Variants in CDK14 observed in about 807,000 individuals in gnomAD.
The protein encoded by CDK14 is cyclin dependent kinase 14, also known as cyclin-dependent kinase 14.
In CDK14, 34 loss-of-function variants were observed where a neutral mutation model predicts 60.7. The ratio of observed to expected loss-of-function variants is 0.56; its 90% confidence interval spans 0.43 to 0.75. The LOEUF (loss-of-function observed/expected upper bound fraction) is 0.75, where lower values mean the gene tolerates loss of function less well. Among genes scored for constraint, CDK14 ranks in the 30% least tolerant of loss-of-function variants. The pLI is 0.00. For synonymous variants in CDK14, 197 were observed against 203.7 expected (o/e 0.97, Z 0.28); for missense variants, 482 against 564.1 (o/e 0.85, Z 1.47).
At chr7:91,003,315 T>C (rs906252194) in intron 10 of CDK14, among the ~76,000 whole-genome samples, 1 of 152,196 alleles carries the variant, frequency 6.6e-6, no homozygotes, top group Non-Finnish European at 1.5e-5. Flanking sequence ...GTCATCATTA[T>C]GTCTCACCTG....
chr7:90,667,436 C>A (rs190113359), intron 2 of CDK14, among the ~76,000 whole-genome samples: 2 of 152,266 alleles, frequency 1.3e-5, no homozygotes, highest in Non-Finnish European at 1.5e-5. Context: ...AGTCACTCCC[C>A]ATTTTTTTCT....
chr7:90,988,908 T>G (rs1446922828), intron 10 of CDK14, among the ~76,000 whole-genome samples: 1 of 152,196 alleles, frequency 6.6e-6, no homozygotes, highest in African/African-American at 2.4e-5. Flanking sequence ...CCACTGGTTG[T>G]TAAACTATTG....
intron 11 of CDK14, among the ~76,000 whole-genome samples, chr7:91,069,876 A>C (rs1224988179): frequency 6.6e-6 from 1 of 152,192 alleles, no homozygotes; most frequent in African/African-American, 2.4e-5. Flanking sequence ...GGCTTAGTGC[A>C]GCCTCTACCT....
intron 10 of CDK14, among the ~76,000 whole-genome samples, chr7:91,036,597 A>G (rs1400697201): frequency 6.6e-6 from 1 of 152,154 alleles, no homozygotes; most frequent in Non-Finnish European, 1.5e-5. Flanking sequence ...CCTACTCAAC[A>G]TGAAGATAAA....
chr7:90,946,318 A>G (rs1328155797), intron 8 of CDK14, among the ~76,000 whole-genome samples: 5 of 152,186 alleles, frequency 3.3e-5, no homozygotes, highest in Non-Finnish European at 7.3e-5. Context: ...AGCAATGCCC[A>G]ACTCCAATTT....
chr7:90,741,024 G>T (rs1424179806), intron 3 of CDK14, among the ~76,000 whole-genome samples: 2 of 152,134 alleles, frequency 1.3e-5, no homozygotes, highest in Admixed American at 6.6e-5. Context: ...TCTATTTTTG[G>T]TCTATATTTC....
chr7:90,851,349 G>A (rs1211563905), intron 5 of CDK14, among the ~76,000 whole-genome samples: 2 of 152,138 alleles, frequency 1.3e-5, no homozygotes, highest in Non-Finnish European at 1.5e-5. Flanking sequence ...ATATATATGT[G>A]TGTGTATGAA....
At chr7:90,830,387 T>C (rs1562790047) in intron 5 of CDK14, among the ~76,000 whole-genome samples, 1 of 152,176 alleles carries the variant, frequency 6.6e-6, no homozygotes, top group Non-Finnish European at 1.5e-5. Flanking sequence ...GGAGCTGGAA[T>C]GGCCAGGATG....
intron 14 of CDK14, among the ~76,000 whole-genome samples, chr7:91,186,358 T>C (rs1409661547): frequency 2.7e-5 from 4 of 146,542 alleles, no homozygotes; most frequent in African/African-American, 1.0e-4. Context: ...TACCACATTT[T>C]ATTTATCTAT....
intron 8 of CDK14, among the ~76,000 whole-genome samples, chr7:90,937,639 G>A (rs898821861): frequency 3.9e-5 from 6 of 152,172 alleles, no homozygotes; most frequent in Non-Finnish European, 7.3e-5. Context: ...AACTTTTTCT[G>A]TAAAGAGCTA....
At chr7:90,968,434 C>T (rs1227775941) in intron 9 of CDK14, among the ~76,000 whole-genome samples, 3 of 152,102 alleles carry the variant, frequency 2.0e-5, no homozygotes, top group Non-Finnish European at 4.4e-5. Context: ...TGACAGAATC[C>T]GAGTAGCTTC....
chr7:91,119,216 C>T (rs1339744779), intron 14 of CDK14, among the ~76,000 whole-genome samples: 2 of 152,182 alleles, frequency 1.3e-5, no homozygotes, highest in East Asian at 1.9e-4. Flanking sequence ...CATGGTGGCA[C>T]ATACCTGTAA....
chr7:91,175,845 C>CA (rs1174682049), intron 14 of CDK14, among the ~76,000 whole-genome samples: 18 of 144,562 alleles, frequency 1.2e-4, no homozygotes, highest in Admixed American at 2.1e-4. Context: ...CTTAGACTCC[C>CA]ACACATTAAT....
At chr7:90,771,495 G>A (rs1804781725) in intron 4 of CDK14, among the ~76,000 whole-genome samples, 1 of 152,178 alleles carries the variant, frequency 6.6e-6, no homozygotes, top group Non-Finnish European at 1.5e-5. Flanking sequence ...GAATTTTATT[G>A]AGCAACAGAA....
intron 9 of CDK14, among the ~76,000 whole-genome samples, chr7:90,957,789 A>C (rs1228769918): frequency 1.3e-5 from 2 of 151,978 alleles, no homozygotes; most frequent in Non-Finnish European, 2.9e-5. Context: ...AAGGTAATTT[A>C]CAGATTCAAT....
chr7:91,100,011 T>C (rs1173841521), intron 12 of CDK14, among the ~76,000 whole-genome samples: 1 of 152,134 alleles, frequency 6.6e-6, no homozygotes, highest in Non-Finnish European at 1.5e-5. Context: ...TAATTATTGG[T>C]GCCTCTTTTG....
chr7:90,985,476 A>T (rs1013254323), intron 10 of CDK14, among the ~76,000 whole-genome samples: 1 of 152,202 alleles, frequency 6.6e-6, no homozygotes, highest in Non-Finnish European at 1.5e-5. Flanking sequence ...TTTATGCCAG[A>T]TATTCAGTAG....
intron 6 of CDK14, among the ~76,000 whole-genome samples, chr7:90,876,320 A>T (rs950897028): frequency 2.0e-5 from 3 of 152,190 alleles, no homozygotes; most frequent in Non-Finnish European, 4.4e-5. Flanking sequence ...CCATTTTAGG[A>T]TGGTGTCGCT....
intron 5 of CDK14, among the ~76,000 whole-genome samples, chr7:90,809,584 C>G (rs1162498519): frequency 2.0e-5 from 3 of 152,108 alleles, no homozygotes; most frequent in Non-Finnish European, 4.4e-5. Flanking sequence ...AGAGCAAACA[C>G]ATTCAAAAGC....
Sources: gnomAD v4.1 joint callset for allele counts (sites outside exome capture counted in the v4.1 genomes callset) on GRCh38, gnomAD v4.1.1 for gene constraint, MANE v1.5 for transcripts, NCBI Gene and HGNC (gene_info 2026-07-23, HGNC 2026-07-21) for gene names.